Variants in TEP1 observed in about 807,000 individuals in gnomAD.
The protein encoded by TEP1 is telomerase protein component 1.
TEP1 carries 241 observed loss-of-function variants against 306.3 expected under a neutral mutation model. The observed-to-expected ratio is 0.79, with a 90% confidence interval of 0.71 to 0.88. The LOEUF (loss-of-function observed/expected upper bound fraction) is 0.88, where lower values mean the gene tolerates loss of function less well. TEP1 is among the 40% of genes least tolerant of loss of function. TEP1 has a pLI of 0.00. For synonymous variants in TEP1, 1,289 were observed against 1,305.5 expected, an observed-to-expected ratio of 0.99 and a Z score of 0.27; for missense variants, 3,051 against 3,276.1, an observed-to-expected ratio of 0.93 and a Z score of 1.68.
rs1266341105 is a variant in TEP1, at chr14:20,368,535, A to G, written c.7786T>C (p.Ser2596Pro). Reference protein sequence around the residue: ...QLLGLFRCEGSVSCLEPWLGA... With the variant: ...QLLGLFRCEGPVSCLEPWLGA... ...AGCCAAGGTTCCAGGCAGCTCACTG[A>G]CCCTTCGCATCGGAACAGGCCCAGC... Residue 2596 changes from serine to proline, a missense_variant, in exon 55 of 55, where the codon TCA becomes CCA. Physicochemically the swap from Ser to Pro is moderately conservative, Grantham distance 74 (BLOSUM62 -1). This residue lies in a region of TEP1 where 1,540 missense variants were observed against 1,705.9 expected (regional missense o/e 0.90). Coordinates refer to ENST00000262715, the MANE Select transcript of TEP1 (RefSeq NM_007110.5). The G allele has an allele frequency of 6.2e-7, 1 of 1,614,134 alleles. No homozygotes were observed. The highest frequency in any genetic ancestry group is 1.7e-5 in the Admixed American group (1 of 60,008).
rs1884687224 is a variant in TEP1 at position 20,369,446 on chromosome 14, C to T, written c.7554G>A (p.Gly2518=). Residue 2518 remains glycine, a synonymous_variant, in exon 53 of 55, where the codon GGG becomes GGA. Transcript: ENST00000262715. ...KANTPETQTP[G]TDPSTCRESD... ...ATTCCCTGCAGGTAGATGGGTCTGT[C>T]CCTGGAGTTTGGGTTTCTGGAGTGT... 1 of 1,614,156 alleles carries T rather than the reference C, an allele frequency of 6.2e-7. No homozygotes were observed. The highest frequency in any genetic ancestry group is 1.3e-5 in the African/African-American group (1 of 75,040).
rs77377906 is a variant in TEP1, at chr14:20,409,570, T to C, written c.-24-1107A>G. Among the ~76,000 whole-genome samples, 193 of 152,292 alleles carry C rather than the reference T, an allele frequency of 1.3e-3. 2 individuals carry two copies. The East Asian group carries it at 0.034, about 26-fold the overall frequency. On this transcript the variant is annotated intron_variant, in intron 1 of 54. Transcript: ENST00000262715. ...ATGTATCATCTTTCTCCTTCTCATA[T>C]CTCTGCCCCAAATCCATTCCCCTTC...
chr14:20,388,401 C>T (rs1264674554), intron 17 of TEP1, among the ~76,000 whole-genome samples: 1 of 152,066 alleles, frequency 6.6e-6, no homozygotes, highest in East Asian at 1.9e-4. Flanking sequence ...CCATAAAGGC[C>T]CCCTGGAGAA....
chr14:20,382,474 C>T, intron 28 of TEP1, 118 bp from the exon 29 acceptor site: 1 of 1,536,312 alleles, frequency 6.5e-7, no homozygotes, highest in Non-Finnish European at 8.9e-7. Flanking sequence ...TAAAGAACAA[C>T]AGTAGGAGGG....
rs754457404 is a variant in TEP1, at chr14:20,408,150, T to C, written c.290A>G (p.His97Arg). ...GAGGATGTCTGGGTGGGCAGAAACA[T>C]GTCCATGTGGTTTCTCCATGGTCTT... is the stretch of plus-strand genomic sequence containing the variant. The part of the protein sequence containing the change: ...DLKTMEKPHG[H>R]VSAHPDILSL... Residue 97 changes from histidine (H) to arginine (R), a missense_variant, in exon 2 of 55, where the codon CAT (histidine) becomes CGT (arginine). Around this residue, in one of 3 missense-constraint regions of TEP1, gnomAD observed 1,507 missense variants for 1,550.5 expected, o/e 0.97. Coordinates refer to ENST00000262715, the MANE Select transcript of TEP1 (RefSeq NM_007110.5). 6.2e-7 allele frequency: 1 copy of C among 1,610,580 alleles called. No homozygotes were observed. The highest frequency in any genetic ancestry group is 2.3e-5 in the East Asian group (1 of 44,262).
chr14:20,384,901 C>A, intron 21 of TEP1, 84 bp downstream of exon 21: 1 of 1,595,682 alleles, frequency 6.3e-7, no homozygotes, highest in Non-Finnish European at 8.5e-7. Context: ...CACTCCCCTT[C>A]TATACTCTGA....
At chr14:20,404,585 C>T in intron 5 of TEP1, 26 bp downstream of exon 5, 1 of 1,599,390 alleles carries the variant, frequency 6.3e-7, no homozygotes. Context: ...AGTGAAGGCC[C>T]AAGCTCAGGG....
At position 20,412,020 on chromosome 14, in the gene TEP1, G is replaced by A. The variant is rs1182002545; in HGVS notation, c.-25+1385C>T. ...CTCTCATTCATATGTAAATATTTTG[G>A]GAATAATATTGTTAAGTCAACCACC... On this transcript the variant is annotated intron_variant, in intron 1 of 54. Transcript: ENST00000262715. Among the ~76,000 whole-genome samples, 4 of 152,054 alleles carry A rather than the reference G, an allele frequency of 2.6e-5. No individual in the cohort carries two copies. The East Asian group carries it at 7.7e-4, about 29-fold the overall frequency.
rs760888132 is a variant in TEP1 at position 20,384,111 on chromosome 14, T to A, written c.3461A>T (p.Gln1154Leu). Residue 1154 changes from glutamine to leucine, a missense_variant, in exon 24 of 55, where the codon CAA (glutamine) becomes CTA (leucine). By Grantham distance (113) the Gln-to-Leu change is moderately radical. Around this residue, in one of 3 missense-constraint regions of TEP1, gnomAD observed 1,507 missense variants for 1,550.5 expected, o/e 0.97. Coordinates refer to ENST00000262715, the MANE Select transcript of TEP1 (RefSeq NM_007110.5). ...CCTTCCGTGGGGCAGCATCAGCCGT[T>A]GCACTGTGTCCTGAAGAAGGCGTGG... ...ARPRLLQDTV[Q>L]RLMLPHGRLS... 4 of 1,614,040 alleles carry A rather than the reference T, an allele frequency of 2.5e-6. No homozygotes were observed. The highest frequency in any genetic ancestry group is 3.4e-6 in the Non-Finnish European group (4 of 1,180,016).
chr14:20,402,865 A>C (rs1200636860), intron 7 of TEP1, among the ~76,000 whole-genome samples: 1 of 152,186 alleles, frequency 6.6e-6, no homozygotes, highest in African/African-American at 2.4e-5. Context: ...CCCGGCAGTA[A>C]AGTACAATAC....
Position 20,365,736 on chromosome 14 carries a change from G to T in TEP1, c.*2701C>A, listed in dbSNP as rs546204055. 3.9e-5 allele frequency: 6 copies of T among 152,224 alleles called. No homozygotes were observed. In the South Asian group the frequency reaches 1.0e-3, roughly 26 times the overall value. The allele number at this position is 152,224 out of a possible 1,614,324, so 9.4% of individuals were successfully genotyped here. On this transcript the variant is annotated 3_prime_UTR_variant, in exon 55 of 55. Transcript: ENST00000262715. Reference sequence around the variant, plus strand: ...TTAAATTCCTACACAGTTTCTAAATGGTTACTCTCAACTTCCGTACTTATC... The same window carrying T: ...TTAAATTCCTACACAGTTTCTAAATTGTTACTCTCAACTTCCGTACTTATC...
At position 20,388,000 on chromosome 14, in the gene TEP1, G is replaced by C; in HGVS notation, c.2589C>G (p.Phe863Leu). The C allele has an allele frequency of 6.2e-7, 1 of 1,614,102 alleles. No homozygotes were observed. The highest frequency in any genetic ancestry group is 1.1e-5 in the South Asian group (1 of 91,064). ...LEHVGQMDKI[F>L]KIPPPPGKTG... is the part of the protein sequence containing the mutation. ...TCTTTCCTGGGGGTGGTGGAATCTTGAATATTTTGTCCATTTGGCCCACAT... is the reference window on the plus strand; with the variant it reads ...TCTTTCCTGGGGGTGGTGGAATCTTCAATATTTTGTCCATTTGGCCCACAT... The change falls in exon 18 of 55, where the codon TTC becomes TTG. Residue 863 changes from phenylalanine (F) to leucine (L), a missense_variant. Physicochemically the swap from Phe to Leu is conservative, Grantham distance 22 (BLOSUM62 0). Transcript: ENST00000262715.
rs1419456134 is a variant in TEP1, at chr14:20,378,497, G to C, written c.5391C>G (p.His1797Gln). 3.1e-6 allele frequency: 5 copies of C among 1,614,108 alleles called. No homozygotes were observed. Among genetic ancestry groups the C allele is most frequent in the Non-Finnish European group, 4.2e-6 (5 of 1,180,040 alleles). ...CACAGTTCAGGGACTTGGGGTAGGT[G>C]TGCTGGAAGGCCAGCTGCCCACGGA... ...DTVRGQLAFQ[H>Q]TYPKSLNCVA... The change falls in exon 38 of 55, where the codon CAC (histidine) becomes CAG (glutamine). Residue 1797 changes from histidine to glutamine, a missense_variant. By Grantham distance (24) the His-to-Gln change is conservative (BLOSUM62 0). Transcript: ENST00000262715.
intron 16 of TEP1, 113 bp from the exon 17 acceptor site, chr14:20,389,410 G>C: frequency 6.9e-7 from 1 of 1,450,786 alleles, no homozygotes; most frequent in Non-Finnish European, 9.6e-7. Context: ...ATAGGGTTAT[G>C]TGGTAGGCTA....
chr14:20,373,173 T>G (rs773796816), intron 47 of TEP1, 26 bp from the exon 48 acceptor site: 1 of 1,613,880 alleles, frequency 6.2e-7, no homozygotes, highest in Non-Finnish European at 8.5e-7. Flanking sequence ...CGTGTTTCAT[T>G]AGGAGCTGGG....
At chr14:20,395,797 T>G (rs942361833) in intron 11 of TEP1, 62 bp downstream of exon 11, 1 of 1,561,240 alleles carries the variant, frequency 6.4e-7, no homozygotes, top group African/African-American at 1.4e-5. Context: ...ATATTGGTGC[T>G]GCTGCTTCAT....
chr14:20,368,505 C>T lies in TEP1; in HGVS notation c.7816G>A (p.Ala2606Thr), dbSNP rs369250767. The T allele has an allele frequency of 1.4e-5, 22 of 1,613,980 alleles. No individual in the cohort carries two copies. Among genetic ancestry groups the T allele is most frequent in the African/African-American group, 4.0e-5 (3 of 74,890 alleles). The change falls in exon 55 of 55, where the codon GCT becomes ACT. Residue 2606 changes from alanine (A) to threonine (T), a missense_variant. Transcript: ENST00000262715. Reference protein sequence around the residue: ...SVSCLEPWLGANSTLQLAVGD... With the variant: ...SVSCLEPWLGTNSTLQLAVGD... ...ACGGCAAGCTGCAGGGTGGAGTTAG[C>T]GCCCAGCCAAGGTTCCAGGCAGCTC...
At chr14:20,391,191 G>C (rs747659908) in intron 13 of TEP1, 95 bp from the exon 14 acceptor site, 176 of 1,293,650 alleles carry the variant, frequency 1.4e-4, no homozygotes, top group Middle Eastern at 4.2e-4. Context: ...CCATTGGTTA[G>C]AGGGAATAAG....
At chr14:20,377,922 TC>T in intron 39 of TEP1, 101 bp downstream of exon 39, 1 of 1,496,960 alleles carries the variant, frequency 6.7e-7, no homozygotes, top group Admixed American at 1.7e-5. Flanking sequence ...CAATCCAAGC[TC>T]CTCCACAGTC....
Sources: allele counts gnomAD v4.1 joint callset (sites outside exome capture counted in the v4.1 genomes callset), GRCh38; gene constraint gnomAD v4.1.1; regional missense constraint gnomAD v4.1.1; transcripts MANE v1.5; gene names NCBI Gene and HGNC (gene_info 2026-07-23, HGNC 2026-07-21).